EGFR: variants seen among roughly 807,000 people sequenced by gnomAD.
EGFR encodes avian erythroblastic leukemia viral (v-erb-b) oncogene homolog.
In EGFR, 58 loss-of-function variants were observed where a neutral mutation model predicts 143.0. That is an observed-to-expected ratio of 0.41 (90% confidence interval 0.33 to 0.50). The LOEUF (loss-of-function observed/expected upper bound fraction) is 0.50. Among genes scored for constraint, EGFR ranks in the 20% least tolerant of loss-of-function variants. The pLI is 0.39. For synonymous variants in EGFR, 613 were observed against 594.4 expected (o/e 1.03, Z -0.45); for missense variants, 1,307 against 1,579.0 (o/e 0.83, Z 2.92).
intron 1 of EGFR, among the ~76,000 whole-genome samples, chr7:55,125,729 G>A (rs535160551): frequency 3.3e-5 from 5 of 152,336 alleles, no homozygotes; most frequent in African/African-American, 9.6e-5. Flanking sequence ...TGACCCAGGC[G>A]AAGTCCAGAG....
At chr7:55,033,050 A>T (rs142711574) in intron 1 of EGFR, among the ~76,000 whole-genome samples, 1 of 152,210 alleles carries the variant, frequency 6.6e-6, no homozygotes. Context: ...CATGTCTATG[A>T]ATGATTTTCT....
At chr7:55,143,747 G>A (rs1369714374) in intron 3 of EGFR, among the ~76,000 whole-genome samples, 6 of 152,244 alleles carry the variant, frequency 3.9e-5, no homozygotes, top group East Asian at 1.9e-4. Flanking sequence ...GTAAGAAATC[G>A]TAAAGATTCT....
chr7:55,091,882 ACAC>A, intron 1 of EGFR, among the ~76,000 whole-genome samples: 1 of 107,604 alleles, frequency 9.3e-6, no homozygotes, highest in Non-Finnish European at 2.1e-5. Flanking sequence ...ACACACACAC[ACAC>A]ACACACCCTG....
chr7:55,033,535 G>C (rs1311817015), intron 1 of EGFR, among the ~76,000 whole-genome samples: 1 of 152,196 alleles, frequency 6.6e-6, no homozygotes, highest in African/African-American at 2.4e-5. Context: ...GGTCGCAGAG[G>C]GGATTCAGTG....
intron 5 of EGFR, chr7:55,152,280 G>A: frequency 1.6e-6 from 1 of 643,372 alleles, no homozygotes; most frequent in Non-Finnish European, 2.9e-6. Flanking sequence ...TGTGCTTTCT[G>A]CATTGCCCAA....
rs552733360 is a variant in EGFR, at chr7:55,181,419, G to A, written c.2410G>A (p.Glu804Lys). The change falls in exon 20 of 28, where the codon GAA becomes AAA. Residue 804 changes from glutamate (E) to lysine (K), a missense_variant. This residue lies in a region of EGFR where 348 missense variants were observed against 451.5 expected (regional missense o/e 0.77). Coordinates refer to ENST00000275493, the MANE Select transcript of EGFR (RefSeq NM_005228.5). The stretch of plus-strand genomic sequence containing the variant: ...CGGCTGCCTCCTGGACTATGTCCGG[G>A]AACACAAAGACAATATTGGCTCCCA... ...PFGCLLDYVR[E>K]HKDNIGSQYL... The A allele has an allele frequency of 5.6e-6, 9 of 1,614,212 alleles. No individual in the cohort carries two copies. The highest frequency in any genetic ancestry group is 7.6e-6 in the Non-Finnish European group (9 of 1,180,042).
intron 1 of EGFR, among the ~76,000 whole-genome samples, chr7:55,031,762 G>A (rs17335766): frequency 0.014 from 2,154 of 152,328 alleles, 55 homozygotes; most frequent in African/African-American, 0.049. Flanking sequence ...TGATGGAGCC[G>A]ATGAGAATTG....
intron 7 of EGFR, among the ~76,000 whole-genome samples, chr7:55,154,919 A>C (rs1785335636): frequency 7.6e-6 from 1 of 132,266 alleles, no homozygotes; most frequent in Non-Finnish European, 1.6e-5. Flanking sequence ...TCCGTATGGA[A>C]AAAAAAAACA....
intron 1 of EGFR, among the ~76,000 whole-genome samples, chr7:55,026,161 G>A (rs1333547961): frequency 2.0e-5 from 3 of 152,156 alleles, no homozygotes; most frequent in East Asian, 1.9e-4. Flanking sequence ...TGGCAATTCT[G>A]AGGAGTGGAT....
intron 1 of EGFR, among the ~76,000 whole-genome samples, chr7:55,094,200 G>A (rs1425113790): frequency 1.3e-5 from 2 of 152,200 alleles, no homozygotes; most frequent in Non-Finnish European, 2.9e-5. Context: ...AGTTTCCACT[G>A]ACTGATGAGG....
At position 55,152,600 on chromosome 7, in the gene EGFR, C is replaced by A. The variant is rs752616839; in HGVS notation, c.683C>A (p.Pro228His). ...QCSGRCRGKS[P>H]SDCCHNQCAA... ...TCCGGGCGCTGCCGTGGCAAGTCCC[C>A]CAGTGACTGCTGCCACAACCAGTGT... The change falls in exon 6 of 28, where the codon CCC becomes CAC. Residue 228 changes from proline (P) to histidine (H), a missense_variant. Physicochemically the swap from Pro to His is moderately conservative, Grantham distance 77. Around this residue, in one of 7 missense-constraint regions of EGFR, gnomAD observed 311 missense variants for 412.3 expected, o/e 0.75. Coordinates refer to ENST00000275493, the MANE Select transcript of EGFR (RefSeq NM_005228.5). The A allele has an allele frequency of 6.2e-7, 1 of 1,613,884 alleles. No individual in the cohort carries two copies. Among genetic ancestry groups the A allele is most frequent in the Admixed American group, 1.7e-5 (1 of 60,032 alleles).
At chr7:55,060,090 C>T (rs561590145) in intron 1 of EGFR, among the ~76,000 whole-genome samples, 7 of 152,302 alleles carry the variant, frequency 4.6e-5, no homozygotes, top group East Asian at 1.9e-4. Context: ...CTGAGAAAGG[C>T]TCACAGGGAC....
At chr7:55,115,151 T>C (rs2128910065) in intron 1 of EGFR, among the ~76,000 whole-genome samples, 1 of 152,296 alleles carries the variant, frequency 6.6e-6, no homozygotes, top group Non-Finnish European at 1.5e-5. Flanking sequence ...TTACAGGCAT[T>C]ATATTATTCT....
chr7:55,175,494 G>A (rs1419279383), intron 19 of EGFR, among the ~76,000 whole-genome samples: 1 of 152,184 alleles, frequency 6.6e-6, no homozygotes, highest in Non-Finnish European at 1.5e-5. Context: ...CCAGCCAGTG[G>A]TGGGAAGATG....
At chr7:55,147,774 C>G (rs377328663) in intron 4 of EGFR, among the ~76,000 whole-genome samples, 38 of 152,356 alleles carry the variant, frequency 2.5e-4, no homozygotes, top group African/African-American at 7.5e-4. Context: ...CAGTAACTCT[C>G]TGCTCTCCCT....
At position 55,163,964 on chromosome 7, in the gene EGFR, C is replaced by G; in HGVS notation, c.1722+141C>G. On this transcript the variant is annotated intron_variant, in intron 14 of 27. Transcript: ENST00000275493. ...TCCCAGAGGAGACGGCAGGCGCTGA[C>G]AGCGCTGTCCGGGCAGGGTGTCGGT... 6.8e-6 allele frequency: 6 copies of G among 882,956 alleles called. 1 individual carries two copies. The South Asian group carries it at 8.2e-5, about 12-fold the overall frequency. The allele number at this position is 882,956 out of a possible 1,614,324, so 54.7% of individuals were successfully genotyped here.
chr7:55,080,535 C>T (rs1432259510), intron 1 of EGFR, among the ~76,000 whole-genome samples: 1 of 152,020 alleles, frequency 6.6e-6, no homozygotes, highest in Non-Finnish European at 1.5e-5. Flanking sequence ...TTACCAGGGG[C>T]TGGGAAGGTG....
intron 20 of EGFR, 148 bp from the exon 21 acceptor site, chr7:55,191,571 C>T (rs2128964053): frequency 2.1e-6 from 2 of 975,542 alleles, no homozygotes; most frequent in Middle Eastern, 3.0e-4. Context: ...CCTTTCCATT[C>T]TTTGGATCAG....
Position 55,207,205 on chromosome 7 carries a change from C to G in EGFR, c.*1588C>G. The G allele has an allele frequency of 4.3e-6, 1 of 233,036 alleles. No individual in the cohort carries two copies. Among genetic ancestry groups the G allele is most frequent in the Non-Finnish European group, 8.5e-6 (1 of 117,934 alleles). The allele number at this position is 233,036 out of a possible 1,614,324, so 14.4% of individuals were successfully genotyped here. A position where few individuals can be genotyped will look rare whatever the true frequency, so the allele number is the denominator to read the frequency against. ...CAGCCTACAGTTATGTTCAGTCACA[C>G]ACACATACAAAATGTTCCTTTTGCT... On this transcript the variant is annotated 3_prime_UTR_variant, in exon 28 of 28. Coordinates refer to ENST00000275493, the MANE Select transcript of EGFR (RefSeq NM_005228.5).
Sources: allele counts gnomAD v4.1 joint callset (sites outside exome capture counted in the v4.1 genomes callset), GRCh38; gene constraint gnomAD v4.1.1; regional missense constraint gnomAD v4.1.1; transcripts MANE v1.5; gene names NCBI Gene and HGNC (gene_info 2026-07-23, HGNC 2026-07-21).